The following GRIA4 variants were observed in gnomAD, a reference collection of about 807,000 sequenced individuals.
The protein encoded by GRIA4 is glutamate receptor 4.
A neutral mutation model predicts 104.0 loss-of-function variants in GRIA4; 34 were observed. The ratio of observed to expected loss-of-function variants is 0.33; its 90% CI spans 0.25 to 0.44. The LOEUF (loss-of-function observed/expected upper bound fraction) is 0.44. Among genes scored for constraint, GRIA4 ranks in the 20% least tolerant of loss-of-function variants. The pLI, the probability that GRIA4 is intolerant of heterozygous loss-of-function variation, is 1.00. For missense variants in GRIA4, 750 were observed against 1,096.5 expected, an observed-to-expected ratio of 0.68 and a Z score of 4.46; for synonymous variants, 386 against 381.9, an observed-to-expected ratio of 1.01 and a Z score of -0.13.
chr11:105,832,757 A>C (rs1424763531), intron 4 of GRIA4, among the ~76,000 whole-genome samples: 12 of 152,042 alleles, frequency 7.9e-5, no homozygotes, highest in Non-Finnish European at 4.4e-5. Context: ...GATGTGGCAG[A>C]AGCTGGGACT....
At chr11:105,675,383 G>A (rs1432333622) in intron 3 of GRIA4, among the ~76,000 whole-genome samples, 2 of 151,726 alleles carry the variant, frequency 1.3e-5, no homozygotes, top group Non-Finnish European at 3.0e-5. Flanking sequence ...TATTGACATG[G>A]TAAACAAAGA....
chr11:105,906,217 T>G (rs1479847768), intron 9 of GRIA4, among the ~76,000 whole-genome samples: 1 of 152,218 alleles, frequency 6.6e-6, no homozygotes, highest in African/African-American at 2.4e-5. Flanking sequence ...ACCTATAATT[T>G]GAGTAGTAGT....
intron 14 of GRIA4, among the ~76,000 whole-genome samples, chr11:105,969,944 C>G (rs1858598727): frequency 6.6e-6 from 1 of 152,142 alleles, no homozygotes; most frequent in East Asian, 1.9e-4. Flanking sequence ...ACTAGCAAAC[C>G]CACAGTTGTG....
intron 6 of GRIA4, among the ~76,000 whole-genome samples, chr11:105,891,758 A>T (rs1438201130): frequency 6.6e-6 from 1 of 152,132 alleles, no homozygotes; most frequent in Non-Finnish European, 1.5e-5. Context: ...CATTTATCAA[A>T]TTATTATTTT....
At chr11:105,701,906 A>AG (rs1953507703) in intron 3 of GRIA4, among the ~76,000 whole-genome samples, 1 of 152,172 alleles carries the variant, frequency 6.6e-6, no homozygotes, top group Non-Finnish European at 1.5e-5. Context: ...TGATCATAGT[A>AG]ATATACCAAT....
At chr11:105,807,183 C>T (rs575866533) in intron 4 of GRIA4, among the ~76,000 whole-genome samples, 10 of 151,924 alleles carry the variant, frequency 6.6e-5, no homozygotes, top group African/African-American at 2.4e-4. Flanking sequence ...AGAGTAGCCC[C>T]TAACTGCTTT....
chr11:105,827,963 C>T (rs966977031), intron 4 of GRIA4, among the ~76,000 whole-genome samples: 2 of 151,934 alleles, frequency 1.3e-5, no homozygotes, highest in African/African-American at 4.8e-5. Context: ...ATTTAAAAAC[C>T]ATGTGGCAAG....
At chr11:105,804,354 GCACACACACA>G (rs35265620) in intron 4 of GRIA4, among the ~76,000 whole-genome samples, 1 of 147,890 alleles carries the variant, frequency 6.8e-6, no homozygotes, top group African/African-American at 2.5e-5. Context: ...AAACACACAT[GCACACACACA>G]CACACACACA....
chr11:105,712,058 T>C (rs1204700661), intron 3 of GRIA4, among the ~76,000 whole-genome samples: 1 of 152,144 alleles, frequency 6.6e-6, no homozygotes, highest in East Asian at 1.9e-4. Flanking sequence ...AAATTTTGTA[T>C]GTTTAAAATT....
intron 12 of GRIA4, among the ~76,000 whole-genome samples, chr11:105,925,347 T>G (rs1358394751): frequency 6.6e-6 from 1 of 152,154 alleles, no homozygotes; most frequent in African/African-American, 2.4e-5. Flanking sequence ...TTTCAATATC[T>G]GTGGAGTCAT....
chr11:105,829,319 T>C (rs1943887930), intron 4 of GRIA4, among the ~76,000 whole-genome samples: 1 of 152,014 alleles, frequency 6.6e-6, no homozygotes, highest in African/African-American at 2.4e-5. Flanking sequence ...GCAAGATCAC[T>C]GACTAGCTCT....
intron 2 of GRIA4, 149 bp downstream of exon 2, chr11:105,611,234 A>G: frequency 4.4e-6 from 3 of 676,514 alleles, no homozygotes; most frequent in South Asian, 1.7e-5. Flanking sequence ...CTCCTTTGCA[A>G]AAAGACTTCC....
At chr11:105,777,808 T>C (rs1317791534) in intron 4 of GRIA4, among the ~76,000 whole-genome samples, 1 of 152,158 alleles carries the variant, frequency 6.6e-6, no homozygotes, top group African/African-American at 2.4e-5. Context: ...AATCACTTTT[T>C]ATAATTATTC....
intron 4 of GRIA4, among the ~76,000 whole-genome samples, chr11:105,762,049 A>C (rs1273542196): frequency 6.8e-6 from 1 of 147,234 alleles, no homozygotes; most frequent in Non-Finnish European, 1.5e-5. Context: ...TTTGAGACGG[A>C]GTCTCACTCT....
chr11:105,888,388 A>T (rs1322372735), intron 6 of GRIA4, among the ~76,000 whole-genome samples: 2 of 133,716 alleles, frequency 1.5e-5, no homozygotes, highest in East Asian at 5.0e-4. Flanking sequence ...GGTTCACGCC[A>T]TTCTCCTGCC....
chr11:105,797,002 G>A (rs1318196833), intron 4 of GRIA4, among the ~76,000 whole-genome samples: 1 of 151,942 alleles, frequency 6.6e-6, no homozygotes, highest in Non-Finnish European at 1.5e-5. Flanking sequence ...TGGCCGAGGT[G>A]GGTGGATGGC....
Position 105,900,164 on chromosome 11 carries a change from G to A in GRIA4, c.885+1737G>A, listed in dbSNP as rs73542887. On this transcript the variant is annotated intron_variant, in intron 7 of 16. Transcript: ENST00000282499. ...TAACCACAAAAGTGCCACAAGTATCGATTTAAGAGTAACAAATAAATATTA... is the reference window on the plus strand; with the variant it reads ...TAACCACAAAAGTGCCACAAGTATCAATTTAAGAGTAACAAATAAATATTA... 3.3e-3 allele frequency among the ~76,000 whole-genome samples: 500 copies of A among 152,170 alleles called. 4 individuals carry two copies. Among genetic ancestry groups the A allele is most frequent in the African/African-American group, 0.012 (481 of 41,502 alleles).
At chr11:105,853,468 G>T (rs1045787456) in intron 4 of GRIA4, among the ~76,000 whole-genome samples, 3 of 152,118 alleles carry the variant, frequency 2.0e-5, no homozygotes, top group Admixed American at 6.6e-5. Flanking sequence ...GCCATTTGTA[G>T]AGTTGTAGAG....
In GRIA4 at chr11:105,712,338, A is replaced by T. The variant is rs186419357; in HGVS notation, c.248-40643A>T. On this transcript the variant is annotated intron_variant, in intron 3 of 16. Coordinates refer to ENST00000282499, the MANE Select transcript of GRIA4 (RefSeq NM_000829.4). Reference sequence around the variant, plus strand: ...AAGCGAAGTCTCTGTGTATAAAAAGAGAAAGCTGTTGTTATATTAGTCAGA... The same window carrying T: ...AAGCGAAGTCTCTGTGTATAAAAAGTGAAAGCTGTTGTTATATTAGTCAGA... Among the ~76,000 whole-genome samples the T allele has an allele frequency of 3.9e-5, 6 of 152,182 alleles. No homozygotes were observed. The East Asian group carries it at 1.2e-3, about 29-fold the overall frequency.
Sources: gnomAD v4.1 joint callset for allele counts (sites outside exome capture counted in the v4.1 genomes callset) on GRCh38, gnomAD v4.1.1 for gene constraint, MANE v1.5 for transcripts, NCBI Gene and HGNC (gene_info 2026-07-23, HGNC 2026-07-21) for gene names.